ZMIZ1: variants seen among roughly 807,000 people sequenced by gnomAD.
ZMIZ1 encodes the protein zinc finger MIZ domain-containing protein 1.
A neutral mutation model predicts 113.9 loss-of-function variants in ZMIZ1; 17 were observed. The ratio of observed to expected loss-of-function variants is 0.15; its 90% CI spans 0.10 to 0.22. ZMIZ1 has a LOEUF of 0.22. ZMIZ1 is among the 10% of genes least tolerant of loss of function. ZMIZ1 has a pLI of 1.00. For missense variants in ZMIZ1, 1,059 were observed against 1,477.8 expected (o/e 0.72, Z 4.65); for synonymous variants, 607 against 603.1 (o/e 1.01, Z -0.09).
At chr10:79,204,884 T>C (rs1351338942) in intron 5 of ZMIZ1, among the ~76,000 whole-genome samples, 3 of 151,994 alleles carry the variant, frequency 2.0e-5, no homozygotes, top group Non-Finnish European at 2.9e-5. Context: ...GGTAGATGAA[T>C]GAAGGGATGG....
intron 4 of ZMIZ1, among the ~76,000 whole-genome samples, chr10:79,198,766 G>A (rs752255789): frequency 3.3e-5 from 5 of 152,242 alleles, no homozygotes; most frequent in Admixed American, 3.3e-4. Context: ...GGGCGCAGTC[G>A]CTCACGCCTG....
In ZMIZ1 at chr10:79,291,041, A is replaced by G. The variant is rs781078241; in HGVS notation, c.623A>G (p.Asn208Ser). The G allele has an allele frequency of 6.2e-7, 1 of 1,614,156 alleles. No homozygotes were observed. The highest frequency in any genetic ancestry group is 8.5e-7 in the Non-Finnish European group (1 of 1,180,026). Residue 208 changes from asparagine (N) to serine (S), a missense_variant, in exon 10 of 25, where the codon AAC becomes AGC. Asn to Ser is a conservative substitution (Grantham distance 46). Transcript: ENST00000334512. ...ATGGCGTCGGGCATGACCACCAGCA[A>G]CCCAGGCCTCAACTCCCCACAGTTT... is the stretch of plus-strand genomic sequence containing the variant. ...NPMASGMTTS[N>S]PGLNSPQFAG...
intron 5 of ZMIZ1, among the ~76,000 whole-genome samples, chr10:79,202,056 C>CAA (rs55985942): frequency 0.02 from 1,421 of 71,826 alleles, 43 homozygotes; most frequent in African/African-American, 0.057. Flanking sequence ...CAGTCGTTCT[C>CAA]AAAAAAAAAA....
At chr10:79,207,634 A>G (rs1441732214) in intron 5 of ZMIZ1, among the ~76,000 whole-genome samples, 3 of 152,150 alleles carry the variant, frequency 2.0e-5, no homozygotes, top group Non-Finnish European at 4.4e-5. Flanking sequence ...GCTCAGGCTG[A>G]CTTCCCCAAC....
chr10:79,148,660 C>T (rs1845589079), intron 3 of ZMIZ1, among the ~76,000 whole-genome samples: 1 of 152,092 alleles, frequency 6.6e-6, no homozygotes, highest in Non-Finnish European at 1.5e-5. Context: ...TTTAATAAAG[C>T]TGCTGGGTCA....
intron 7 of ZMIZ1, 33 bp from the exon 8 acceptor site, chr10:79,277,148 A>G: frequency 6.8e-7 from 1 of 1,474,474 alleles, no homozygotes; most frequent in Non-Finnish European, 9.0e-7. Flanking sequence ...CATGATGAAC[A>G]AGCACCCACT....
At chr10:79,278,161 T>C (rs1852425346) in intron 8 of ZMIZ1, among the ~76,000 whole-genome samples, 1 of 152,236 alleles carries the variant, frequency 6.6e-6, no homozygotes, top group Non-Finnish European at 1.5e-5. Context: ...AGAGGCTTGT[T>C]GACTTTCTGA....
At chr10:79,105,153 AT>A (rs1843511297) in intron 1 of ZMIZ1, among the ~76,000 whole-genome samples, 1 of 152,240 alleles carries the variant, frequency 6.6e-6, no homozygotes, top group Non-Finnish European at 1.5e-5. Context: ...TGAGAAACTG[AT>A]TCCCGAAAAT....
intron 7 of ZMIZ1, among the ~76,000 whole-genome samples, chr10:79,254,325 G>T (rs1208963959): frequency 1.3e-5 from 2 of 152,262 alleles, no homozygotes; most frequent in African/African-American, 2.4e-5. Flanking sequence ...TCTGTTCAGG[G>T]AGTGGACTGA....
intron 9 of ZMIZ1, 146 bp from the exon 10 acceptor site, chr10:79,290,813 A>G (rs745380000): frequency 1.1e-6 from 1 of 885,992 alleles, no homozygotes; most frequent in South Asian, 1.4e-5. Context: ...CACTCAGAAT[A>G]GTTCATCCAC....
In ZMIZ1 at chr10:79,314,344, C is replaced by T. The variant is rs774024265; in HGVS notation, c.*1595C>T. On this transcript the variant is annotated 3_prime_UTR_variant, in exon 25 of 25. Transcript: ENST00000334512. ...TGCCTGGGGCCCTTTCCTGCTCTCC[C>T]GTCCGCTGTGGGTGGTCCCCAGCTC... 6.2e-5 allele frequency: 27 copies of T among 436,342 alleles called. No homozygotes were observed. Among genetic ancestry groups the T allele is most frequent in the African/African-American group, 2.6e-4 (13 of 49,842 alleles). The allele number at this position is 436,342 out of a possible 1,614,324, so 27.0% of individuals were successfully genotyped here.
At chr10:79,225,570 AT>A (rs397961966) in intron 7 of ZMIZ1, among the ~76,000 whole-genome samples, 2 of 151,918 alleles carry the variant, frequency 1.3e-5, no homozygotes, top group South Asian at 2.1e-4. Context: ...CTACAAAAAA[AT>A]TTTTTTAATT....
rs1204105402 is a variant in ZMIZ1 at position 79,114,242 on chromosome 10, AT to A, written c.-336-4667del. On this transcript the variant is annotated intron_variant, in intron 1 of 24. Coordinates refer to ENST00000334512, the MANE Select transcript of ZMIZ1 (RefSeq NM_020338.4). ...ATTGATAAGAGCTGAGAGCTGTTTA[AT>A]TTTTTCCCCCTGTTTAATGGCTATC... is the stretch of plus-strand genomic sequence containing the variant. Among the ~76,000 whole-genome samples the A allele has an allele frequency of 3.9e-5, 6 of 152,284 alleles. No individual in the cohort carries two copies. The East Asian group carries it at 5.8e-4, about 15-fold the overall frequency.
At chr10:79,307,173 C>T (rs1395596473) in intron 22 of ZMIZ1, among the ~76,000 whole-genome samples, 2 of 152,132 alleles carry the variant, frequency 1.3e-5, no homozygotes, top group Non-Finnish European at 2.9e-5. Flanking sequence ...CCCACTCTGC[C>T]CCCTCCTCCA....
At chr10:79,237,428 AT>A (rs945025127) in intron 7 of ZMIZ1, among the ~76,000 whole-genome samples, 1 of 152,222 alleles carries the variant, frequency 6.6e-6, no homozygotes, top group Non-Finnish European at 1.5e-5. Context: ...GGCTTACACA[AT>A]AGCGATTCAC....
In ZMIZ1 at chr10:79,316,180, C is replaced by A. The variant is rs1476308628; in HGVS notation, c.*3431C>A. 1 of 152,652 alleles carries A rather than the reference C, an allele frequency of 6.6e-6. No individual in the cohort carries two copies. Among genetic ancestry groups the A allele is most frequent in the Non-Finnish European group, 1.5e-5 (1 of 68,044 alleles). The allele number at this position is 152,652 out of a possible 1,614,324, so 9.5% of individuals were successfully genotyped here. On this transcript the variant is annotated 3_prime_UTR_variant, in exon 25 of 25. Coordinates refer to ENST00000334512, the MANE Select transcript of ZMIZ1 (RefSeq NM_020338.4). ...TGATTCACACGTACACACATAAACA[C>A]ACCCACCAGTGCAGCCTGAAGTAAC... is the stretch of plus-strand genomic sequence containing the variant.
chr10:79,313,912 T>A lies in ZMIZ1; in HGVS notation c.*1163T>A. On this transcript the variant is annotated 3_prime_UTR_variant, in exon 25 of 25. Transcript: ENST00000334512. ...GAAACCAGAGCCCAGGGCAATGGTG[T>A]CTGTCCAGCCCCTCCCTCTGTCCCT... The A allele has an allele frequency of 2.5e-6, 1 of 395,652 alleles. No homozygotes were observed. The highest frequency in any genetic ancestry group is 5.1e-6 in the Non-Finnish European group (1 of 196,076). The allele number at this position is 395,652 out of a possible 1,614,324, so 24.5% of individuals were successfully genotyped here. A position where few individuals can be genotyped will look rare whatever the true frequency, so the allele number is the denominator to read the frequency against.
At chr10:79,157,465 G>A (rs1375132096) in intron 3 of ZMIZ1, among the ~76,000 whole-genome samples, 1 of 152,038 alleles carries the variant, frequency 6.6e-6, no homozygotes. Flanking sequence ...GGTGGCATTG[G>A]TGCCACAGAA....
intron 1 of ZMIZ1, among the ~76,000 whole-genome samples, chr10:79,104,950 G>GGGGTGTGT (rs1190362797): frequency 1.1e-4 from 15 of 140,186 alleles, no homozygotes; most frequent in African/African-American, 2.4e-4. Flanking sequence ...GTTGTTGTGG[G>GGGGTGTGT]GTGTGTGTGT....
Sources: allele counts gnomAD v4.1 joint callset (sites outside exome capture counted in the v4.1 genomes callset), GRCh38; gene constraint gnomAD v4.1.1; transcripts MANE v1.5; gene names NCBI Gene and HGNC (gene_info 2026-07-23, HGNC 2026-07-21).